Variants in PPARGC1A observed in about 807,000 individuals in gnomAD.
PPARGC1A encodes the protein PPARG coactivator 1 alpha.
PPARGC1A carries 25 observed loss-of-function variants against 88.7 expected under a neutral mutation model. The observed-to-expected ratio is 0.28, with a 90% CI of 0.21 to 0.39. The LOEUF is 0.39. Ranked by LOEUF, PPARGC1A falls within the 10% of genes least tolerant of loss-of-function variation. PPARGC1A has a pLI of 1.00. For synonymous variants in PPARGC1A, 363 were observed against 355.6 expected (o/e 1.02, Z -0.24); for missense variants, 880 against 968.7 (o/e 0.91, Z 1.22).
the PPARGC1A span, among the ~76,000 whole-genome samples, chr4:24,209,883 T>C: frequency 6.6e-6 from 1 of 152,216 alleles, no homozygotes; most frequent in African/African-American, 2.4e-5. Flanking sequence ...AATCAGAGAA[T>C]GCTGGAAATC....
the PPARGC1A span, among the ~76,000 whole-genome samples, chr4:24,320,598 A>G: frequency 6.6e-6 from 1 of 151,732 alleles, no homozygotes; most frequent in Non-Finnish European, 1.5e-5. Flanking sequence ...ACGGGTAACG[A>G]ATGTCCTTTG....
At chr4:23,981,490 G>A in the PPARGC1A span, among the ~76,000 whole-genome samples, 1 of 152,084 alleles carries the variant, frequency 6.6e-6, no homozygotes, top group African/African-American at 2.4e-5. Flanking sequence ...AGCCAATTGG[G>A]CAGCTTGAGG....
intron 2 of PPARGC1A, among the ~76,000 whole-genome samples, chr4:23,877,145 C>T (rs1219342912): frequency 6.6e-6 from 1 of 151,958 alleles, no homozygotes; most frequent in Non-Finnish European, 1.5e-5. Context: ...CTCCCCTTTT[C>T]CCTGCTCTCA....
At chr4:24,330,808 G>A in the PPARGC1A span, among the ~76,000 whole-genome samples, 1 of 152,120 alleles carries the variant, frequency 6.6e-6, no homozygotes, top group Non-Finnish European at 1.5e-5. Context: ...TCAGAACCCA[G>A]GCTTTCATCA....
the PPARGC1A span, among the ~76,000 whole-genome samples, chr4:24,374,057 T>C: frequency 2.0e-5 from 3 of 152,340 alleles, no homozygotes; most frequent in South Asian, 2.1e-4. Context: ...TGAAACCTCA[T>C]ACAGGATGTC....
At chr4:23,956,363 G>C in the PPARGC1A span, among the ~76,000 whole-genome samples, 32 of 152,122 alleles carry the variant, frequency 2.1e-4, no homozygotes, top group Admixed American at 5.2e-4. Flanking sequence ...TGCTGGTCTT[G>C]GGACCACGAT....
In PPARGC1A at chr4:23,831,608, G is replaced by A. The variant is rs1725012049; in HGVS notation, c.378C>T (p.Ser126=). 1 of 1,614,136 alleles carries A rather than the reference G, an allele frequency of 6.2e-7. No homozygotes were observed. Among genetic ancestry groups the A allele is most frequent in the Non-Finnish European group, 8.5e-7 (1 of 1,179,998 alleles). ...GTGGAGGGGTGCCGTCAGGCATGGA[G>A]GAAGGACTAGCCTCATTGTCAGTGG... The part of the protein sequence containing the change: ...DVTTDNEASP[S]SMPDGTPPPQ... The change falls in exon 3 of 13, where the codon TCC becomes TCT. Residue 126 remains serine (S), a synonymous_variant. Transcript: ENST00000264867.
At chr4:23,872,609 A>C (rs1451291093) in intron 2 of PPARGC1A, among the ~76,000 whole-genome samples, 1 of 152,166 alleles carries the variant, frequency 6.6e-6, no homozygotes, top group Admixed American at 6.5e-5. Context: ...ACAGATGGAG[A>C]AATTCCCTGC....
At chr4:24,208,682 A>AAAAATATAT in the PPARGC1A span, among the ~76,000 whole-genome samples, 897 of 134,914 alleles carry the variant, frequency 6.6e-3, 18 homozygotes, top group African/African-American at 0.023. Context: ...TCAGAAAAAA[A>AAAAATATAT]ATATATATAT....
At chr4:24,054,860 CA>C in the PPARGC1A span, among the ~76,000 whole-genome samples, 1 of 151,736 alleles carries the variant, frequency 6.6e-6, no homozygotes, top group African/African-American at 2.4e-5. Context: ...TCCATCATAG[CA>C]GCAGTAGTAA....
the PPARGC1A span, among the ~76,000 whole-genome samples, chr4:23,920,255 C>T: frequency 1.3e-4 from 20 of 152,244 alleles, no homozygotes; most frequent in South Asian, 2.3e-3. Flanking sequence ...AAGCTTCTAC[C>T]GGTGGGACTG....
chr4:24,217,989 A>C, the PPARGC1A span, among the ~76,000 whole-genome samples: 1 of 152,192 alleles, frequency 6.6e-6, no homozygotes, highest in Non-Finnish European at 1.5e-5. Flanking sequence ...TAAAATTGTT[A>C]AAATAAATGA....
the PPARGC1A span, among the ~76,000 whole-genome samples, chr4:24,345,465 T>C: frequency 7.9e-5 from 12 of 152,146 alleles, no homozygotes; most frequent in Non-Finnish European, 1.5e-4. Flanking sequence ...TCCTTGTAGA[T>C]GTCTTTCAAC....
intron 2 of PPARGC1A, among the ~76,000 whole-genome samples, chr4:23,857,477 A>G (rs191298946): frequency 1.7e-4 from 26 of 151,468 alleles, no homozygotes; most frequent in African/African-American, 6.0e-4. Flanking sequence ...ACTAAATCAT[A>G]AGCACTAGTT....
chr4:23,936,009 G>A, the PPARGC1A span, among the ~76,000 whole-genome samples: 12 of 152,014 alleles, frequency 7.9e-5, no homozygotes, highest in Non-Finnish European at 1.2e-4. Context: ...TTTTCAGCAC[G>A]TTTAATTTAG....
the PPARGC1A span, among the ~76,000 whole-genome samples, chr4:23,955,446 T>C: frequency 8.5e-5 from 13 of 152,212 alleles, no homozygotes; most frequent in South Asian, 2.7e-3. Context: ...TATTAGTTAT[T>C]AATATCATTA....
chr4:23,979,776 C>T, the PPARGC1A span, among the ~76,000 whole-genome samples: 1 of 152,162 alleles, frequency 6.6e-6, no homozygotes, highest in Non-Finnish European at 1.5e-5. Flanking sequence ...CGCCTCTATT[C>T]AGATAGCCTC....
intron 4 of PPARGC1A, 123 bp downstream of exon 4, chr4:23,829,340 T>C: frequency 9.7e-7 from 1 of 1,028,148 alleles, no homozygotes. Context: ...ATAATCTATT[T>C]CATCATTATG....
the PPARGC1A span, among the ~76,000 whole-genome samples, chr4:24,044,119 A>G: frequency 6.6e-6 from 1 of 152,214 alleles, no homozygotes; most frequent in Non-Finnish European, 1.5e-5. Flanking sequence ...GTCAACCGTA[A>G]CGCCTAGGCT....
Sources: allele counts gnomAD v4.1 joint callset (sites outside exome capture counted in the v4.1 genomes callset), GRCh38; gene constraint gnomAD v4.1.1; transcripts MANE v1.5; gene names NCBI Gene and HGNC (gene_info 2026-07-23, HGNC 2026-07-21).